Variants in LY96 observed in about 807,000 individuals in gnomAD.
LY96 encodes myeloid differentiation protein-2.
Under a neutral mutation model 18.9 loss-of-function variants are expected in LY96, and 18 were observed. The ratio of observed to expected loss-of-function variants is 0.95; its 90% CI spans 0.66 to 1.41. The LOEUF (loss-of-function observed/expected upper bound fraction) is 1.41. Ranked by LOEUF, LY96 falls within the 40% of genes most tolerant of loss-of-function variation. LY96 has a pLI of 0.00. For synonymous variants in LY96, 66 were observed against 62.6 expected (o/e 1.06, Z -0.26); for missense variants, 175 against 182.4 (o/e 0.96, Z 0.23).
chr8:74,028,507 CT>C (rs1168738339), intron 4 of LY96, among the ~76,000 whole-genome samples: 1 of 152,006 alleles, frequency 6.6e-6, no homozygotes, highest in African/African-American at 2.4e-5. Context: ...AAATTACAGA[CT>C]TTTTTTGTTC....
At chr8:74,073,606 CTTAA>C in the LY96 span, among the ~76,000 whole-genome samples, 2 of 151,812 alleles carry the variant, frequency 1.3e-5, no homozygotes, top group Non-Finnish European at 2.9e-5. Context: ...CAAGTTGGCC[CTTAA>C]TTGATTAGGG....
rs534599925 is a variant in LY96 at position 74,017,763 on chromosome 8, A to G, written c.331+7634A>G. ...GCCAATATTCAACATTCTTAAAGAC[A>G]AGAATTTTCAACCCAGAATTTCATA... On this transcript the variant is annotated intron_variant, in intron 3 of 4. Coordinates refer to ENST00000284818, the MANE Select transcript of LY96 (RefSeq NM_015364.5). Among the ~76,000 whole-genome samples the G allele has an allele frequency of 1.6e-4, 24 of 152,362 alleles. No homozygotes were observed. The East Asian group carries it at 4.0e-3, about 26-fold the overall frequency.
chr8:74,060,525 T>C, the LY96 span, among the ~76,000 whole-genome samples: 1 of 152,228 alleles, frequency 6.6e-6, no homozygotes, highest in Non-Finnish European at 1.5e-5. Flanking sequence ...ATCTGAGGTG[T>C]TTTTTCTCTC....
At chr8:74,016,305 C>T (rs1253817769) in intron 3 of LY96, among the ~76,000 whole-genome samples, 2 of 152,212 alleles carry the variant, frequency 1.3e-5, no homozygotes, top group Admixed American at 6.5e-5. Flanking sequence ...CAGCCTGGCT[C>T]GGGAGGGGCG....
At chr8:74,057,302 G>A in the LY96 span, among the ~76,000 whole-genome samples, 1 of 152,126 alleles carries the variant, frequency 6.6e-6, no homozygotes, top group Non-Finnish European at 1.5e-5. Context: ...AAGCCTGCAG[G>A]CTTTGAAAAC....
chr8:74,033,329 G>A (rs1817000681), downstream of LY96, among the ~76,000 whole-genome samples: 1 of 152,146 alleles, frequency 6.6e-6, no homozygotes, highest in African/African-American at 2.4e-5. Flanking sequence ...AACACTATTT[G>A]CCCCTAGATT....
At chr8:74,060,351 A>G in the LY96 span, among the ~76,000 whole-genome samples, 2 of 152,242 alleles carry the variant, frequency 1.3e-5, no homozygotes, top group Non-Finnish European at 2.9e-5. Context: ...ATCTAATGGG[A>G]TAGGCAATAG....
intron 3 of LY96, among the ~76,000 whole-genome samples, chr8:74,019,767 T>C (rs1230457778): frequency 6.6e-6 from 1 of 152,200 alleles, no homozygotes; most frequent in African/African-American, 2.4e-5. Context: ...TGGTTCAGCA[T>C]ACACAAATCA....
chr8:74,026,436 C>T (rs934892071), intron 3 of LY96, among the ~76,000 whole-genome samples: 3 of 152,220 alleles, frequency 2.0e-5, no homozygotes, highest in Non-Finnish European at 4.4e-5. Context: ...CTATTATACC[C>T]AGCTTAATGT....
chr8:74,017,215 G>A (rs557561173), intron 3 of LY96, among the ~76,000 whole-genome samples: 1 of 152,312 alleles, frequency 6.6e-6, no homozygotes, highest in East Asian at 1.9e-4. Flanking sequence ...TAAATGACCT[G>A]ATGGAGATGA....
At chr8:74,082,565 C>A in the LY96 span, among the ~76,000 whole-genome samples, 10 of 152,102 alleles carry the variant, frequency 6.6e-5, no homozygotes, top group African/African-American at 2.4e-4. Flanking sequence ...CCTGCAGGGG[C>A]GGAAAGATTT....
chr8:74,024,701 C>G (rs1816832482), intron 3 of LY96, among the ~76,000 whole-genome samples: 1 of 152,188 alleles, frequency 6.6e-6, no homozygotes, highest in Non-Finnish European at 1.5e-5. Context: ...GCCCCAGAGC[C>G]ATCACTCTTA....
At chr8:74,014,319 G>A (rs535137754) in intron 3 of LY96, among the ~76,000 whole-genome samples, 98 of 150,520 alleles carry the variant, frequency 6.5e-4, no homozygotes, top group African/African-American at 2.2e-3. Context: ...ACTGAGGTGG[G>A]AGGATCACTT....
the LY96 span, among the ~76,000 whole-genome samples, chr8:74,073,108 C>G: frequency 6.6e-6 from 1 of 152,130 alleles, no homozygotes; most frequent in African/African-American, 2.4e-5. Context: ...TGAGCTAAAC[C>G]CACACAAACA....
At chr8:74,075,875 A>G in the LY96 span, among the ~76,000 whole-genome samples, 1 of 152,200 alleles carries the variant, frequency 6.6e-6, no homozygotes, top group African/African-American at 2.4e-5. Context: ...CTCTGGAAGC[A>G]GATGCTGACA....
intron 3 of LY96, among the ~76,000 whole-genome samples, chr8:74,012,582 G>A (rs1484977048): frequency 6.6e-6 from 1 of 152,084 alleles, no homozygotes; most frequent in South Asian, 2.1e-4. Context: ...TTACTTGGGT[G>A]ATGGGCACCC....
chr8:74,029,716 G>T (rs900145591), downstream of LY96, among the ~76,000 whole-genome samples: 1 of 152,156 alleles, frequency 6.6e-6, no homozygotes, highest in Non-Finnish European at 1.5e-5. Context: ...CTGGAGTGCA[G>T]TGGCACCATC....
chr8:74,024,975 A>C (rs1816839317), intron 3 of LY96, among the ~76,000 whole-genome samples: 2 of 152,130 alleles, frequency 1.3e-5, no homozygotes, highest in African/African-American at 2.4e-5. Flanking sequence ...TTATAGGCAC[A>C]TGCACCACAC....
intron 3 of LY96, among the ~76,000 whole-genome samples, chr8:74,020,094 A>G (rs1350575515): frequency 6.6e-6 from 1 of 152,222 alleles, no homozygotes; most frequent in Non-Finnish European, 1.5e-5. Flanking sequence ...GGAAAGAAAT[A>G]AAGGGTATTC....
Sources: gnomAD v4.1 joint callset for allele counts (sites outside exome capture counted in the v4.1 genomes callset) on GRCh38, gnomAD v4.1.1 for gene constraint, MANE v1.5 for transcripts, NCBI Gene and HGNC (gene_info 2026-07-23, HGNC 2026-07-21) for gene names.